MCF2L: variants seen among roughly 807,000 people sequenced by gnomAD.
MCF2L encodes the protein MCF.2 cell line derived transforming sequence like, also known as guanine nucleotide exchange factor DBS.
MCF2L carries 97 observed loss-of-function variants against 153.4 expected under a neutral mutation model. That is an observed-to-expected ratio of 0.63 (90% CI 0.54 to 0.75). The LOEUF (loss-of-function observed/expected upper bound fraction) is 0.75. MCF2L is among the 30% of genes least tolerant of loss of function. The pLI, the probability that MCF2L is intolerant of heterozygous loss-of-function variation, is 0.00. For missense variants in MCF2L, 1,347 were observed against 1,495.2 expected (o/e 0.90, Z 1.64); for synonymous variants, 659 against 632.2 (o/e 1.04, Z -0.64).
chr13:112,933,407 A>G (rs1300910376), intron 2 of MCF2L, among the ~76,000 whole-genome samples: 1 of 152,218 alleles, frequency 6.6e-6, no homozygotes, highest in Admixed American at 6.5e-5. Flanking sequence ...GGCTCTAGCA[A>G]GAGGCTTGAT....
At chr13:112,982,133 G>A (rs1313475336) in intron 1 of MCF2L, among the ~76,000 whole-genome samples, 3 of 152,180 alleles carry the variant, frequency 2.0e-5, no homozygotes, top group Non-Finnish European at 4.4e-5. Context: ...GGGGACAAAG[G>A]GACAAGAGCT....
At chr13:113,084,287 T>G (rs1403079065) in intron 18 of MCF2L, among the ~76,000 whole-genome samples, 2 of 91,916 alleles carry the variant, frequency 2.2e-5, no homozygotes, top group Non-Finnish European at 5.1e-5. Flanking sequence ...GAAAACGTCC[T>G]GAACCCCCAG....
At position 113,011,431 on chromosome 13, in the gene MCF2L, G is replaced by A. The variant is rs564841392; in HGVS notation, c.80-3332G>A. On this transcript the variant is annotated intron_variant, in intron 1 of 29. Coordinates refer to ENST00000535094, the MANE Select transcript of MCF2L (RefSeq NM_001112732.3). ...CAGATGATGGACAGGTGGTGTGGACGGTGGACAGGTGGTGTGGATGGTGGA... is the reference window on the plus strand; with the variant it reads ...CAGATGATGGACAGGTGGTGTGGACAGTGGACAGGTGGTGTGGATGGTGGA... Among the ~76,000 whole-genome samples the A allele has an allele frequency of 1.3e-4, 20 of 151,890 alleles. No individual in the cohort carries two copies. In the South Asian group the frequency reaches 2.1e-3, roughly 16 times the overall value.
At chr13:112,920,934 G>A (rs1220394600) in intron 2 of MCF2L, among the ~76,000 whole-genome samples, 5 of 151,988 alleles carry the variant, frequency 3.3e-5, no homozygotes, top group African/African-American at 4.8e-5. Context: ...TTAGGAGGCC[G>A]AGGCAGGCGG....
chr13:113,074,307 C>A lies in MCF2L; in HGVS notation c.997-137C>A. 1 of 1,105,080 alleles carries A rather than the reference C, an allele frequency of 9.0e-7. No individual in the cohort carries two copies. The highest frequency in any genetic ancestry group is 1.3e-6 in the Non-Finnish European group (1 of 754,830). The allele number at this position is 1,105,080 out of a possible 1,614,324, so 68.5% of individuals were successfully genotyped here. On this transcript the variant is annotated intron_variant, in intron 9 of 29. Coordinates refer to ENST00000535094, the MANE Select transcript of MCF2L (RefSeq NM_001112732.3). The surrounding 1 kb of genome is among the most constrained non-coding windows in gnomAD (Gnocchi z 4.2). ...CGGGGCCGACTTTGCACCTGTCTGA[C>A]TGTGGTCCCTGCTTGATTGATGACC...
intron 1 of MCF2L, among the ~76,000 whole-genome samples, chr13:112,978,818 A>G (rs1303737637): frequency 2.0e-5 from 3 of 152,226 alleles, no homozygotes; most frequent in African/African-American, 4.8e-5. Flanking sequence ...CCTGGAGCAC[A>G]TAACAATGAG....
intron 2 of MCF2L, among the ~76,000 whole-genome samples, chr13:112,950,162 A>AC (rs397796301): frequency 6.6e-6 from 1 of 151,832 alleles, no homozygotes; most frequent in African/African-American, 2.4e-5. Flanking sequence ...ACAAAAAAAA[A>AC]CCACTTAAGT....
chr13:112,951,129 C>T lies in MCF2L; in HGVS notation c.169+48758C>T, dbSNP rs1049939122. On this transcript the variant is annotated intron_variant, in intron 2 of 29. Transcript: ENST00000375608. The surrounding 1 kb of genome is among the most constrained non-coding windows in gnomAD (Gnocchi z 4.8). ...ACGGAAAGGTGTCAGTCAATAGTAG[C>T]CAGTGGAGAAGTGCAAGACCTGGGT... Among the ~76,000 whole-genome samples the T allele has an allele frequency of 6.6e-6, 1 of 152,128 alleles. No individual in the cohort carries two copies. Among genetic ancestry groups the T allele is most frequent in the Admixed American group, 6.5e-5 (1 of 15,272 alleles).
At chr13:113,050,111 C>T (rs2087113707) in intron 4 of MCF2L, among the ~76,000 whole-genome samples, 1 of 152,152 alleles carries the variant, frequency 6.6e-6, no homozygotes, top group African/African-American at 2.4e-5. Context: ...TTATAAAATG[C>T]TGTTGCAACA....
At chr13:112,897,260 C>T (rs772917504) in intron 1 of MCF2L, among the ~76,000 whole-genome samples, 3 of 150,722 alleles carry the variant, frequency 2.0e-5, no homozygotes, top group African/African-American at 4.9e-5. Flanking sequence ...ATACGGGACA[C>T]GGTATGGCCA....
chr13:112,894,444 CG>C (rs2081045655), intron 1 of MCF2L: 2 of 150,640 alleles, frequency 1.3e-5, no homozygotes, highest in Non-Finnish European at 1.5e-5. Context: ...GCGCGCGGGG[CG>C]GGGGCCTGGA....
intron 1 of MCF2L, chr13:113,008,793 T>C (rs1212709784): frequency 6.6e-6 from 1 of 152,198 alleles, no homozygotes; most frequent in Non-Finnish European, 1.5e-5. Flanking sequence ...GGGACTTCAT[T>C]TTGATTTTCA....
At chr13:113,011,512 G>A (rs566530439) in intron 1 of MCF2L, among the ~76,000 whole-genome samples, 163 of 148,822 alleles carry the variant, frequency 1.1e-3, no homozygotes, top group African/African-American at 3.8e-3. Flanking sequence ...TGGTGTGGAC[G>A]GTGGACAGGC....
intron 14 of MCF2L, 51 bp from the exon 15 acceptor site, chr13:113,078,615 C>T (rs746496443): frequency 6.5e-7 from 1 of 1,534,878 alleles, no homozygotes; most frequent in Non-Finnish European, 8.9e-7. Flanking sequence ...TGAGAGTTGG[C>T]CCTTGAGGTT....
chr13:113,026,314 G>C (rs1566759482), intron 3 of MCF2L, among the ~76,000 whole-genome samples: 5 of 149,652 alleles, frequency 3.3e-5, no homozygotes, highest in Admixed American at 1.3e-4. Flanking sequence ...GATGAATTAG[G>C]GTCTCTGGGA....
chr13:112,918,071 A>G, intron 2 of MCF2L, among the ~76,000 whole-genome samples: 1 of 152,220 alleles, frequency 6.6e-6, no homozygotes, highest in Non-Finnish European at 1.5e-5. Context: ...ATTTGTCTTC[A>G]CCTAGTTGGG....
intron 1 of MCF2L, among the ~76,000 whole-genome samples, chr13:113,013,143 C>T (rs970823681): frequency 2.6e-5 from 4 of 152,198 alleles, no homozygotes; most frequent in South Asian, 2.1e-4. Flanking sequence ...TCTAGGCTGC[C>T]GTCGGCTGCA....
At chr13:112,912,842 T>C (rs1010284267) in intron 2 of MCF2L, among the ~76,000 whole-genome samples, 6 of 151,868 alleles carry the variant, frequency 4.0e-5, no homozygotes, top group African/African-American at 9.7e-5. Flanking sequence ...TGTGTGTGTC[T>C]GTAGTGTATC....
intron 9 of MCF2L, among the ~76,000 whole-genome samples, chr13:113,071,187 C>T (rs775163440): frequency 6.6e-6 from 1 of 152,128 alleles, no homozygotes; most frequent in African/African-American, 2.4e-5. Flanking sequence ...ATTCGCATAT[C>T]CTCTTTGGTA....
Sources: gnomAD v4.1 joint callset for allele counts (sites outside exome capture counted in the v4.1 genomes callset) on GRCh38, gnomAD v4.1.1 for gene constraint, Gnocchi (gnomAD v3.1) non-coding constraint, MANE v1.5 for transcripts, NCBI Gene and HGNC (gene_info 2026-07-23, HGNC 2026-07-21) for gene names.